NMRAL1: variants seen among roughly 807,000 people sequenced by gnomAD.
NMRAL1 encodes the protein NmrA like redox sensor 1.
In NMRAL1, 32 loss-of-function variants were observed where a neutral mutation model predicts 27.5. The ratio of observed to expected loss-of-function variants is 1.16; its 90% CI spans 0.88 to 1.56. NMRAL1 has a LOEUF of 1.56. Ranked by LOEUF, NMRAL1 falls within the 40% of genes most tolerant of loss-of-function variation. The probability of loss-of-function intolerance (pLI) is 0.00; values close to 1 mark genes in which losing one functional copy is unlikely to be tolerated. For synonymous variants in NMRAL1, 166 were observed against 166.8 expected (o/e 1.00, Z 0.04); for missense variants, 420 against 392.0 (o/e 1.07, Z -0.60).
At chr16:4,468,557 A>G (rs4786498) in intron 3 of NMRAL1, among the ~76,000 whole-genome samples, 101,055 of 150,362 alleles carry the variant, frequency 0.67, 34,681 homozygotes, top group Non-Finnish European at 0.74. Flanking sequence ...CAGAGGTTGC[A>G]GTGAGCCGAG....
At chr16:4,463,522 C>G in intron 5 of NMRAL1, 138 bp downstream of exon 5, 2 of 698,742 alleles carry the variant, frequency 2.9e-6, no homozygotes, top group Non-Finnish European at 4.6e-6. Flanking sequence ...CCTGGAACAG[C>G]AGAAAATAAA....
At position 4,469,477 on chromosome 16, in the gene NMRAL1, CAA is replaced by C; in HGVS notation, c.41-14_41-13del. 1 of 1,612,772 alleles carries C rather than the reference CAA, an allele frequency of 6.2e-7. No individual in the cohort carries two copies. Among genetic ancestry groups the C allele is most frequent in the Non-Finnish European group, 8.5e-7 (1 of 1,179,074 alleles). On this transcript the variant is annotated splice_polypyrimidine_tract_variant and intron_variant, in intron 2 of 5. Coordinates refer to ENST00000283429, the MANE Select transcript of NMRAL1 (RefSeq NM_020677.6). The stretch of plus-strand genomic sequence containing the variant: ...GCCACCCTGGGCACCTACAAAGAAT[CAA>C]AAAGACCTCTCAGGTCAGACCTACC...
intron 3 of NMRAL1, among the ~76,000 whole-genome samples, chr16:4,468,090 G>A (rs1282050817): frequency 3.4e-5 from 5 of 148,334 alleles, no homozygotes; most frequent in East Asian, 2.1e-4. Flanking sequence ...GCCTGAGGCC[G>A]GGAGTTAGAG....
rs1385043753 is a variant in NMRAL1 at position 4,469,458 on chromosome 16, C to G, written c.48G>C (p.Gln16His). Residue 16 changes from glutamine to histidine, a missense_variant, in exon 3 of 6, where the codon CAG becomes CAC. Physicochemically the swap from Gln to His is conservative, Grantham distance 24. Transcript: ENST00000283429. ...LVVVFGGTGA[Q>H]GGSVARTLLE... is the part of the protein sequence containing the mutation. ...GGAGTGTGCGGGCCACGGAGCCACC[C>G]TGGGCACCTACAAAGAATCAAAAAG... 4 of 1,613,746 alleles carry G rather than the reference C, an allele frequency of 2.5e-6. No homozygotes were observed. Among genetic ancestry groups the G allele is most frequent in the South Asian group, 1.1e-5 (1 of 91,070 alleles).
At chr16:4,462,603 G>T (rs1472905729) in intron 5 of NMRAL1, among the ~76,000 whole-genome samples, 2 of 152,146 alleles carry the variant, frequency 1.3e-5, no homozygotes, top group African/African-American at 2.4e-5. Context: ...ACCAGACACA[G>T]TGGCTCACAC....
intron 3 of NMRAL1, among the ~76,000 whole-genome samples, chr16:4,467,917 G>T (rs537280512): frequency 6.6e-6 from 1 of 152,076 alleles, no homozygotes; most frequent in South Asian, 2.1e-4. Flanking sequence ...ACTGTGCCCA[G>T]CTGATTTCTA....
In NMRAL1 at chr16:4,474,036, G is replaced by A. The variant is rs2057714052; in HGVS notation, c.40+57C>T. 2.8e-6 allele frequency: 4 copies of A among 1,427,246 alleles called. No homozygotes were observed. In the African/African-American group the frequency reaches 4.2e-5, roughly 15 times the overall value. 88.4% of individuals were successfully genotyped at this position (1,427,246 alleles called of 1,614,324 possible). On this transcript the variant is annotated intron_variant, in intron 2 of 5. Transcript: ENST00000283429. ...CTCCCTGCAGACCCCAGGACGGGCGGTCTTCAGGGCTAGGCGCCCTGGCTC... is the reference window on the plus strand; with the variant it reads ...CTCCCTGCAGACCCCAGGACGGGCGATCTTCAGGGCTAGGCGCCCTGGCTC...
rs766531824 is a variant in NMRAL1, at chr16:4,463,733, G to A, written c.647C>T (p.Thr216Ile). 5 of 1,613,968 alleles carry A rather than the reference G, an allele frequency of 3.1e-6. No individual in the cohort carries two copies. In the African/African-American group the frequency reaches 6.7e-5, roughly 22 times the overall value. ...KYVGQNIGLSTCRHTAEEYAA... is the reference protein window; with the variant it reads ...KYVGQNIGLSICRHTAEEYAA... The stretch of plus-strand genomic sequence containing the variant: ...GTACTCCTCGGCCGTGTGCCTGCAA[G>A]TGCTCAGCCCGATGTTCTGGCCGAC... The change falls in exon 5 of 6, where the codon ACT (threonine) becomes ATT (isoleucine). Residue 216 changes from threonine (T) to isoleucine (I), a missense_variant. Physicochemically the swap from Thr to Ile is moderately conservative, Grantham distance 89. Transcript: ENST00000283429.
upstream of NMRAL1, chr16:4,474,821 A>T (rs2141479901): frequency 6.6e-6 from 1 of 152,386 alleles, no homozygotes; most frequent in East Asian, 1.9e-4. Context: ...TTACCTCTTT[A>T]TCTTGCATGA....
rs1421009592 is a variant in NMRAL1 at position 4,466,223 on chromosome 16, G to A, written c.459C>T (p.Pro153=). 6.2e-7 allele frequency: 1 copy of A among 1,614,026 alleles called. No individual in the cohort carries two copies. The highest frequency in any genetic ancestry group is 1.3e-5 in the African/African-American group (1 of 74,914). Residue 153 remains proline, a synonymous_variant, in exon 4 of 6, where the codon CCC becomes CCT. Coordinates refer to ENST00000283429, the MANE Select transcript of NMRAL1 (RefSeq NM_020677.6). ...IGVPMTSVRL[P]CYFENLLSHF... is the part of the protein sequence containing the mutation. Reference sequence around the variant, plus strand: ...GGGAGAGGAGGTTCTCAAAATAGCAGGGCAGCCGCACACTGGTCATGGGAA... The same window carrying A: ...GGGAGAGGAGGTTCTCAAAATAGCAAGGCAGCCGCACACTGGTCATGGGAA...
rs1451491269 is a variant in NMRAL1 at position 4,468,955 on chromosome 16, ACTT to A, written c.279+269_279+271del. On this transcript the variant is annotated intron_variant, in intron 3 of 5. Coordinates refer to ENST00000283429, the MANE Select transcript of NMRAL1 (RefSeq NM_020677.6). ...AAGTGGAAATTACTTTTTAAAAAAA[ACTT>A]CTAACATTTTTGATTAAAAAAAAAA... is the stretch of plus-strand genomic sequence containing the variant. Among the ~76,000 whole-genome samples, 7 of 143,820 alleles carry A rather than the reference ACTT, an allele frequency of 4.9e-5. No individual in the cohort carries two copies. In the East Asian group the frequency reaches 8.3e-4, roughly 17 times the overall value. 94.4% of individuals were successfully genotyped at this position (143,820 alleles called of 152,430 possible).
rs1409932945 is a variant in NMRAL1, at chr16:4,463,772, A to G, written c.608T>C (p.Met203Thr). ...GTTCTGGCCGACGTATTTTTCTGGC[A>G]TCTTCAAAAGGCTGAGCACCACAGG... ...LGPVVLSLLKMPEKYVGQNIG... is the reference protein window; with the variant it reads ...LGPVVLSLLKTPEKYVGQNIG... The change falls in exon 5 of 6, where the codon ATG (methionine) becomes ACG (threonine). Residue 203 changes from methionine to threonine, a missense_variant. Transcript: ENST00000283429. The G allele has an allele frequency of 6.2e-7, 1 of 1,614,128 alleles. No individual in the cohort carries two copies. Among genetic ancestry groups the G allele is most frequent in the East Asian group, 2.2e-5 (1 of 44,876 alleles).
upstream of NMRAL1, chr16:4,476,123 T>A (rs979273343): frequency 1.3e-5 from 2 of 152,094 alleles, no homozygotes; most frequent in African/African-American, 2.4e-5. Flanking sequence ...CATCACTGAG[T>A]GGATGTACAA....
Position 4,469,161 on chromosome 16 carries a change from G to C in NMRAL1, c.279+66C>G. 7.5e-6 allele frequency: 8 copies of C among 1,065,478 alleles called. 1 individual carries two copies. The South Asian group carries it at 1.0e-4, about 13-fold the overall frequency. The allele number at this position is 1,065,478 out of a possible 1,614,324, so 66.0% of individuals were successfully genotyped here. A position where few individuals can be genotyped will look rare whatever the true frequency, so the allele number is the denominator to read the frequency against. ...GTGCTCCAACCTCCCTGCAGAGTCG[G>C]AGCTCCTCCCAGGCGCTCTGCTCCT... On this transcript the variant is annotated intron_variant, in intron 3 of 5. Coordinates refer to ENST00000283429, the MANE Select transcript of NMRAL1 (RefSeq NM_020677.6).
intron 2 of NMRAL1, chr16:4,471,309 T>G (rs549270637): frequency 1.3e-5 from 2 of 152,110 alleles, no homozygotes; most frequent in Non-Finnish European, 2.9e-5. Flanking sequence ...ATCGGTCAGA[T>G]GTACCCTTAA....
At position 4,474,046 on chromosome 16, in the gene NMRAL1, C is replaced by G. The variant is rs568391205; in HGVS notation, c.40+47G>C. ...ACCCCAGGACGGGCGGTCTTCAGGG[C>G]TAGGCGCCCTGGCTCTGCAAGGGCC... On this transcript the variant is annotated intron_variant, in intron 2 of 5. Transcript: ENST00000283429. 2.4e-5 allele frequency: 36 copies of G among 1,526,436 alleles called. No individual in the cohort carries two copies. The South Asian group carries it at 4.0e-4, about 17-fold the overall frequency. 94.6% of individuals were successfully genotyped at this position (1,526,436 alleles called of 1,614,324 possible). A position where few individuals can be genotyped will look rare whatever the true frequency, so the allele number is the denominator to read the frequency against.
chr16:4,469,499 C>G, intron 2 of NMRAL1, 34 bp from the exon 3 acceptor site: 1 of 1,609,472 alleles, frequency 6.2e-7, no homozygotes, highest in Non-Finnish European at 8.5e-7. Context: ...TCAGGTCAGA[C>G]CTACCTGAAA....
rs772419265 is a variant in NMRAL1 at position 4,466,333 on chromosome 16, T to C, written c.349A>G (p.Ile117Val). The change falls in exon 4 of 6, where the codon ATC becomes GTC. Residue 117 changes from isoleucine (I) to valine (V), a missense_variant. Coordinates refer to ENST00000283429, the MANE Select transcript of NMRAL1 (RefSeq NM_020677.6). The stretch of plus-strand genomic sequence containing the variant: ...AATCTCCCTGCCGTCAGCTTCTTGA[T>C]GTTCTCCAGGCCGCTGTAGACCACA... ...HYVVYSGLEN[I>V]KKLTAGRLAA... 3 of 1,613,930 alleles carry C rather than the reference T, an allele frequency of 1.9e-6. No homozygotes were observed. In the South Asian group the frequency reaches 3.3e-5, roughly 18 times the overall value.
intron 2 of NMRAL1, among the ~76,000 whole-genome samples, chr16:4,472,947 G>GTAAC (rs1361739998): frequency 1.3e-5 from 2 of 150,232 alleles, no homozygotes; most frequent in Admixed American, 6.7e-5. Flanking sequence ...AGAATGGGGA[G>GTAAC]TAACTGTTCA....
Sources: gnomAD v4.1 joint callset for allele counts (sites outside exome capture counted in the v4.1 genomes callset) on GRCh38, gnomAD v4.1.1 for gene constraint, MANE v1.5 for transcripts, NCBI Gene and HGNC (gene_info 2026-07-23, HGNC 2026-07-21) for gene names.